The following ACACA variants were observed in gnomAD, a reference collection of about 807,000 sequenced individuals.
The protein encoded by ACACA is acetyl-CoA carboxylase 1.
Under a neutral mutation model 296.1 loss-of-function variants are expected in ACACA, and 103 were observed. That is an observed-to-expected ratio of 0.35 (90% CI 0.30 to 0.41). The LOEUF (loss-of-function observed/expected upper bound fraction) is 0.41. Among genes scored for constraint, ACACA ranks in the 10% least tolerant of loss-of-function variants. The probability of loss-of-function intolerance (pLI) is 1.00; values close to 1 mark genes in which losing one functional copy is unlikely to be tolerated. For synonymous variants in ACACA, 953 were observed against 1,038.6 expected, an observed-to-expected ratio of 0.92 and a Z score of 1.58; for missense variants, 1,554 against 2,989.7, an observed-to-expected ratio of 0.52 and a Z score of 11.20.
intron 41 of ACACA, among the ~76,000 whole-genome samples, chr17:37,175,535 A>T (rs2077078309): frequency 6.6e-6 from 1 of 152,260 alleles, no homozygotes; most frequent in South Asian, 2.1e-4. Context: ...GCTCAACAGC[A>T]CACATTCATC....
intron 1 of ACACA, among the ~76,000 whole-genome samples, chr17:37,342,436 A>AAATAT (rs1555652530): frequency 3.4e-4 from 20 of 58,218 alleles, no homozygotes; most frequent in Admixed American, 3.6e-4. Flanking sequence ...AAAAAAAAAA[A>AAATAT]ATATATATAT....
chr17:37,125,432 T>A (rs1350369221), intron 48 of ACACA, among the ~76,000 whole-genome samples: 1 of 152,196 alleles, frequency 6.6e-6, no homozygotes, highest in Non-Finnish European at 1.5e-5. Flanking sequence ...GCTTTACAGC[T>A]CCCAAAGTGT....
chr17:37,085,916 A>C lies in ACACA; in HGVS notation c.*1400T>G. On this transcript the variant is annotated 3_prime_UTR_variant, in exon 56 of 56. Transcript: ENST00000616317. ...CAAATGCAGTTAGCTGCACTAAAGG[A>C]ACCGGATGCTACACCAGCCCTGATC... 7.5e-6 allele frequency: 3 copies of C among 398,598 alleles called. No individual in the cohort carries two copies. The highest frequency in any genetic ancestry group is 1.3e-5 in the Non-Finnish European group (3 of 226,078). The allele number at this position is 398,598 out of a possible 1,614,324, so 24.7% of individuals were successfully genotyped here. A position where few individuals can be genotyped will look rare whatever the true frequency, so the allele number is the denominator to read the frequency against.
chr17:37,119,808 C>T (rs1030378180), intron 50 of ACACA, among the ~76,000 whole-genome samples: 3 of 152,054 alleles, frequency 2.0e-5, no homozygotes, highest in Non-Finnish European at 4.4e-5. Flanking sequence ...GGTGCTTCTG[C>T]CCTAAGCTAT....
At chr17:37,246,726 C>T (rs2080723817) in intron 19 of ACACA, 100 bp downstream of exon 19, 2 of 1,499,948 alleles carry the variant, frequency 1.3e-6, no homozygotes, top group Admixed American at 1.7e-5. Context: ...AGCCACTGTG[C>T]CCAGCCTCCT....
In ACACA at chr17:37,267,942, G is replaced by A. The variant is rs2040095190; in HGVS notation, c.1119+2809C>T. On this transcript the variant is annotated intron_variant, in intron 10 of 55. Coordinates refer to ENST00000616317, the MANE Select transcript of ACACA (RefSeq NM_198834.3). The stretch of plus-strand genomic sequence containing the variant: ...GGCCCAGCTAATTTTTGTATTTTTA[G>A]TAGAGATGGGGTTTCATCATGTTGG... 2.0e-5 allele frequency among the ~76,000 whole-genome samples: 3 copies of A among 152,128 alleles called. No homozygotes were observed. The South Asian group carries it at 6.2e-4, about 32-fold the overall frequency.
intron 54 of ACACA, among the ~76,000 whole-genome samples, chr17:37,095,654 A>G (rs1264230692): frequency 6.6e-6 from 1 of 152,232 alleles, no homozygotes; most frequent in Non-Finnish European, 1.5e-5. Flanking sequence ...GTAGTCACCA[A>G]ATGTTTGTGA....
Position 37,348,055 on chromosome 17 carries a change from C to T in ACACA, c.39-8205G>A, listed in dbSNP as rs1200913244. Among the ~76,000 whole-genome samples, 3 of 151,866 alleles carry T rather than the reference C, an allele frequency of 2.0e-5. No individual in the cohort carries two copies. The East Asian group carries it at 5.8e-4, about 29-fold the overall frequency. Reference sequence around the variant, plus strand: ...AGGTGTGGTGCTACACGCCTGTAATCCCAGCTACTTGGGAGGCTGAGGCAG... The same window carrying T: ...AGGTGTGGTGCTACACGCCTGTAATTCCAGCTACTTGGGAGGCTGAGGCAG... On this transcript the variant is annotated intron_variant, in intron 1 of 55. Transcript: ENST00000616317.
intron 1 of ACACA, among the ~76,000 whole-genome samples, chr17:37,393,516 G>A: frequency 6.6e-6 from 1 of 151,972 alleles, no homozygotes; most frequent in East Asian, 1.9e-4. Flanking sequence ...TAAAACCTAT[G>A]GCAAAATCTG....
At chr17:37,292,951 G>GCAAT (rs1249892920) in intron 3 of ACACA, among the ~76,000 whole-genome samples, 4 of 152,180 alleles carry the variant, frequency 2.6e-5, no homozygotes, top group Non-Finnish European at 5.9e-5. Flanking sequence ...AAAGTGTGAA[G>GCAAT]CAATGCAAGC....
At chr17:37,390,334 A>ATATATATATATATATCT (rs2050822111) in intron 1 of ACACA, among the ~76,000 whole-genome samples, 1 of 93,444 alleles carries the variant, frequency 1.1e-5, no homozygotes, top group Non-Finnish European at 1.9e-5. Context: ...ATATATATAT[A>ATATATATATATATATCT]AAAGGCCAGC....
intron 35 of ACACA, among the ~76,000 whole-genome samples, chr17:37,195,169 A>G (rs1454437656): frequency 6.6e-6 from 1 of 152,206 alleles, no homozygotes; most frequent in Non-Finnish European, 1.5e-5. Context: ...AAGGAAAGTG[A>G]TAATATGATA....
chr17:37,291,143 T>TACACACACACACACACACACACACACAC (rs71159701), intron 3 of ACACA, among the ~76,000 whole-genome samples: 94 of 136,940 alleles, frequency 6.9e-4, no homozygotes, highest in Non-Finnish European at 1.0e-3. Flanking sequence ...GAAAAACACA[T>TACACACACACACACACACACACACACAC]ACACACACAC....
intron 1 of ACACA, among the ~76,000 whole-genome samples, chr17:37,396,637 G>A (rs1364621468): frequency 6.6e-6 from 1 of 152,086 alleles, no homozygotes; most frequent in African/African-American, 2.4e-5. Flanking sequence ...TTCTGACCTA[G>A]AGCACTTTTC....
intron 28 of ACACA, chr17:37,222,114 C>T (rs2079322671): frequency 2.1e-6 from 1 of 481,218 alleles, no homozygotes; most frequent in Non-Finnish European, 3.8e-6. Context: ...AACCTAAACC[C>T]TGGAGAAGGT....
At chr17:37,239,209 G>A (rs1310523983) in intron 24 of ACACA, among the ~76,000 whole-genome samples, 1 of 152,040 alleles carries the variant, frequency 6.6e-6, no homozygotes, top group Non-Finnish European at 1.5e-5. Flanking sequence ...AATTTTGTAT[G>A]TTGACTTTTG....
At chr17:37,343,608 T>C (rs1371923326) in intron 1 of ACACA, among the ~76,000 whole-genome samples, 6 of 151,878 alleles carry the variant, frequency 4.0e-5, no homozygotes, top group East Asian at 2.0e-4. Context: ...CTACTAAAAA[T>C]GTAAAAATTA....
chr17:37,351,544 TAAAAA>T (rs2048903782), intron 1 of ACACA, among the ~76,000 whole-genome samples: 1 of 152,224 alleles, frequency 6.6e-6, no homozygotes, highest in African/African-American at 2.4e-5. Context: ...GTAAGTTTAA[TAAAAA>T]GCTTTCCTCA....
chr17:37,150,076 AT>A (rs2075973272), intron 44 of ACACA, 102 bp from the exon 45 acceptor site: 2 of 998,214 alleles, frequency 2.0e-6, no homozygotes, highest in Non-Finnish European at 3.1e-6. Context: ...AGAAATAAAC[AT>A]TGCTTTTTAT....
Sources: gnomAD v4.1 joint callset for allele counts (sites outside exome capture counted in the v4.1 genomes callset) on GRCh38, gnomAD v4.1.1 for gene constraint, MANE v1.5 for transcripts, NCBI Gene and HGNC (gene_info 2026-07-23, HGNC 2026-07-21) for gene names.